HCK: variants seen among roughly 807,000 people sequenced by gnomAD.
HCK encodes tyrosine-protein kinase HCK.
In HCK, 40 loss-of-function variants were observed where a neutral mutation model predicts 70.4. The ratio of observed to expected loss-of-function variants is 0.57; its 90% confidence interval spans 0.44 to 0.74. The LOEUF is 0.74. Ranked by LOEUF, HCK falls within the 30% of genes least tolerant of loss-of-function variation. HCK has a pLI of 0.00. For missense variants in HCK, 568 were observed against 697.2 expected, an observed-to-expected ratio of 0.81 and a Z score of 2.09; for synonymous variants, 245 against 263.2, an observed-to-expected ratio of 0.93 and a Z score of 0.67.
chr20:32,060,592 A>G (rs1242781185), intron 1 of HCK, among the ~76,000 whole-genome samples: 1 of 152,240 alleles, frequency 6.6e-6, no homozygotes. Context: ...CCAGCAGACT[A>G]AATGGGGACC....
At chr20:32,088,011 C>G (rs242615) in intron 9 of HCK, among the ~76,000 whole-genome samples, 70,464 of 151,806 alleles carry the variant, frequency 0.46, 19,223 homozygotes, top group African/African-American at 0.77. Context: ...CTGGGTTCAA[C>G]TGATCCTCCC....
chr20:32,091,118 C>T (rs1326693963), intron 10 of HCK, among the ~76,000 whole-genome samples: 1 of 152,184 alleles, frequency 6.6e-6, no homozygotes. Flanking sequence ...GGTCCAGCTC[C>T]AGAGCCATTT....
chr20:32,101,352 C>G lies in HCK; in HGVS notation c.1414C>G (p.Arg472Gly). ...CCCTGAAGTGATCCGAGCTCTGGAG[C>G]GTGGATACCGGATGCCTCGCCCAGA... The change falls in exon 13 of 13, where the codon CGT (arginine) becomes GGT (glycine). Residue 472 changes from arginine (R) to glycine (G), a missense_variant. Arg to Gly is a moderately radical substitution (Grantham distance 125). This residue lies in a region of HCK where 77 missense variants were observed against 85.0 expected (regional missense o/e 0.91). Coordinates refer to ENST00000375852, the MANE Select transcript of HCK (RefSeq NM_002110.5). 6.2e-7 allele frequency: 1 copy of G among 1,614,202 alleles called. No homozygotes were observed. Among genetic ancestry groups the G allele is most frequent in the Non-Finnish European group, 8.5e-7 (1 of 1,180,020 alleles).
chr20:32,099,390 C>G (rs1445905222), intron 12 of HCK, among the ~76,000 whole-genome samples: 1 of 135,712 alleles, frequency 7.4e-6, no homozygotes, highest in Non-Finnish European at 1.5e-5. Context: ...CGGAGTCTCC[C>G]TCTGTCACCC....
intron 1 of HCK, among the ~76,000 whole-genome samples, chr20:32,059,336 T>A (rs992014828): frequency 6.6e-6 from 1 of 151,160 alleles, no homozygotes; most frequent in Non-Finnish European, 1.5e-5. Flanking sequence ...CTTCTTTCCC[T>A]TCTTTCCTTC....
chr20:32,080,878 A>T (rs1385533337), intron 6 of HCK, among the ~76,000 whole-genome samples: 1 of 152,128 alleles, frequency 6.6e-6, no homozygotes, highest in Non-Finnish European at 1.5e-5. Flanking sequence ...ACTTAAGCCC[A>T]AAAGTTCGAG....
At chr20:32,059,873 G>A (rs150069066) in intron 1 of HCK, among the ~76,000 whole-genome samples, 1 of 152,006 alleles carries the variant, frequency 6.6e-6, no homozygotes, top group African/African-American at 2.4e-5. Context: ...GGTGGTAAAA[G>A]GTCATTTTAA....
At chr20:32,095,299 A>G (rs1167751398) in intron 11 of HCK, among the ~76,000 whole-genome samples, 1 of 152,046 alleles carries the variant, frequency 6.6e-6, no homozygotes, top group Non-Finnish European at 1.5e-5. Flanking sequence ...GCTGTCACCC[A>G]GGCTAGAGTG....
chr20:32,095,015 A>T (rs929558000), intron 11 of HCK, among the ~76,000 whole-genome samples: 1 of 152,208 alleles, frequency 6.6e-6, no homozygotes, highest in African/African-American at 2.4e-5. Flanking sequence ...TTGGACATTC[A>T]TGGCAGCATT....
At chr20:32,096,999 A>T (rs1031095232) in intron 11 of HCK, among the ~76,000 whole-genome samples, 3 of 152,032 alleles carry the variant, frequency 2.0e-5, no homozygotes, top group Non-Finnish European at 4.4e-5. Context: ...AAAAATTTAG[A>T]CCGGGCACAG....
chr20:32,070,679 C>A (rs575635918), intron 1 of HCK, among the ~76,000 whole-genome samples: 10 of 152,224 alleles, frequency 6.6e-5, no homozygotes, highest in Admixed American at 2.0e-4. Flanking sequence ...ACTCAATTTG[C>A]CCTGTTATTT....
At chr20:32,065,596 C>CA (rs2045443765) in intron 1 of HCK, among the ~76,000 whole-genome samples, 1 of 152,230 alleles carries the variant, frequency 6.6e-6, no homozygotes, top group African/African-American at 2.4e-5. Context: ...CAGGTTCCTA[C>CA]ATCTCAACAA....
intron 9 of HCK, among the ~76,000 whole-genome samples, chr20:32,087,967 G>C (rs1322010090): frequency 6.6e-6 from 1 of 152,228 alleles, no homozygotes; most frequent in Non-Finnish European, 1.5e-5. Context: ...TAGAGACAAG[G>C]TCTCGCCATC....
chr20:32,069,670 T>C (rs1364840571), intron 1 of HCK: 10 of 600,272 alleles, frequency 1.7e-5, no homozygotes, highest in East Asian at 6.7e-5. Flanking sequence ...AATGTGTTCC[T>C]TATTTTATTT....
chr20:32,068,565 C>T (rs1161740735), intron 1 of HCK, among the ~76,000 whole-genome samples: 2 of 152,114 alleles, frequency 1.3e-5, no homozygotes, highest in Admixed American at 1.3e-4. Context: ...AGACATGGTT[C>T]TCTCATTTAG....
At position 32,073,325 on chromosome 20, in the gene HCK, A is replaced by C. The variant is rs765493289; in HGVS notation, c.190A>C (p.Asn64His). The change falls in exon 3 of 13, where the codon AAT becomes CAT. Residue 64 changes from asparagine to histidine, a missense_variant. Physicochemically the swap from Asn to His is moderately conservative, Grantham distance 68. Around this residue, in one of 4 missense-constraint regions of HCK, gnomAD observed 318 missense variants for 336.0 expected, o/e 0.95. Transcript: ENST00000375852. ...TCTCATTTCTTCCCCACAGGGGCCT[A>C]ATAGCCACAACAGCAACACACCAGG... 1.9e-6 allele frequency: 3 copies of C among 1,611,526 alleles called. No individual in the cohort carries two copies. The highest frequency in any genetic ancestry group is 2.5e-6 in the Non-Finnish European group (3 of 1,179,092).
At chr20:32,092,031 T>C (rs1158771322) in intron 10 of HCK, among the ~76,000 whole-genome samples, 1 of 151,846 alleles carries the variant, frequency 6.6e-6, no homozygotes, top group African/African-American at 2.4e-5. Flanking sequence ...TGGGTCTCCA[T>C]TCTAACTGCC....
At chr20:32,089,768 A>G (rs1053205525) in intron 10 of HCK, among the ~76,000 whole-genome samples, 18 of 152,234 alleles carry the variant, frequency 1.2e-4, no homozygotes, top group African/African-American at 4.1e-4. Context: ...TAGCTAGAGC[A>G]TTTAGCCTGG....
chr20:32,098,932 TC>T, intron 11 of HCK, 71 bp from the exon 12 acceptor site: 1 of 1,546,476 alleles, frequency 6.5e-7, no homozygotes, highest in Non-Finnish European at 8.8e-7. Flanking sequence ...CCTTGCCTGT[TC>T]CCCCACCTTA....
Sources: gnomAD v4.1 joint callset for allele counts (sites outside exome capture counted in the v4.1 genomes callset) on GRCh38, gnomAD v4.1.1 for gene constraint, gnomAD v4.1.1 regional missense constraint, MANE v1.5 for transcripts, NCBI Gene and HGNC (gene_info 2026-07-23, HGNC 2026-07-21) for gene names.